The following APLP2 variants were observed in gnomAD, a reference collection of about 807,000 sequenced individuals.
APLP2 encodes amyloid beta precursor like protein 2.
A neutral mutation model predicts 89.9 loss-of-function variants in APLP2; 53 were observed. That is an observed-to-expected ratio of 0.59 (90% confidence interval 0.47 to 0.74). The LOEUF is 0.74. Ranked by LOEUF, APLP2 falls within the 30% of genes least tolerant of loss-of-function variation. APLP2 has a pLI of 0.00. For missense variants in APLP2, 973 were observed against 975.9 expected, an observed-to-expected ratio of 1.00 and a Z score of 0.04; for synonymous variants, 372 against 348.6, an observed-to-expected ratio of 1.07 and a Z score of -0.75.
intron 10 of APLP2, 51 bp downstream of exon 10, chr11:130,129,257 C>A: frequency 1.3e-6 from 2 of 1,551,126 alleles, no homozygotes; most frequent in Non-Finnish European, 8.7e-7. Flanking sequence ...ATGTAGGGGA[C>A]CAATGTATGA....
At chr11:130,118,278 C>T (rs560003453) in intron 3 of APLP2, among the ~76,000 whole-genome samples, 18 of 152,316 alleles carry the variant, frequency 1.2e-4, no homozygotes, top group African/African-American at 4.3e-4. Context: ...CTCAAGACTT[C>T]ACTAACATTA....
At chr11:130,128,967 A>G in intron 9 of APLP2, 81 bp from the exon 10 acceptor site, 2 of 1,490,870 alleles carry the variant, frequency 1.3e-6, no homozygotes, top group Non-Finnish European at 1.8e-6. Flanking sequence ...CTGACAGGAG[A>G]AGCACTGGGG....
chr11:130,091,739 C>T (rs1945281325), intron 1 of APLP2, among the ~76,000 whole-genome samples: 6 of 147,644 alleles, frequency 4.1e-5, no homozygotes, highest in African/African-American at 1.5e-4. Context: ...CCACCTCCCT[C>T]CCGGACGGCA....
In APLP2 at chr11:130,123,294, C is replaced by T. The variant is rs1950029029; in HGVS notation, c.923-318C>T. On this transcript the variant is annotated intron_variant, in intron 6 of 16. Coordinates refer to ENST00000338167, the MANE Select transcript of APLP2 (RefSeq NM_001142276.2). The surrounding 1 kb of genome is among the most constrained non-coding windows in gnomAD (Gnocchi z 4.0). The stretch of plus-strand genomic sequence containing the variant: ...AATAGACAAACTAGGCAGATACCTC[C>T]ACTGAACAGATCAGAAATGTGAGGC... Among the ~76,000 whole-genome samples, 1 of 152,214 alleles carries T rather than the reference C, an allele frequency of 6.6e-6. No individual in the cohort carries two copies. The highest frequency in any genetic ancestry group is 6.5e-5 in the Admixed American group (1 of 15,282).
chr11:130,078,062 A>G (rs778414840), intron 1 of APLP2, among the ~76,000 whole-genome samples: 10 of 152,168 alleles, frequency 6.6e-5, no homozygotes, highest in Non-Finnish European at 1.0e-4. Context: ...TTCCTTGCTC[A>G]GGAGTAACTG....
At chr11:130,113,404 G>T (rs1034786505) in intron 3 of APLP2, among the ~76,000 whole-genome samples, 2 of 152,168 alleles carry the variant, frequency 1.3e-5, no homozygotes, top group Non-Finnish European at 2.9e-5. Context: ...TTGCATTGTG[G>T]TCACTGAATA....
At chr11:130,081,823 C>T (rs7926024) in intron 1 of APLP2, among the ~76,000 whole-genome samples, 8,857 of 152,114 alleles carry the variant, frequency 0.058, 857 homozygotes, top group African/African-American at 0.2. Context: ...TCATTCTTCT[C>T]TAATGTAAAC....
chr11:130,122,236 A>G (rs1949907939), intron 5 of APLP2, 69 bp from the exon 6 acceptor site: 13 of 1,552,758 alleles, frequency 8.4e-6, no homozygotes, highest in Non-Finnish European at 1.1e-5. Context: ...CAGAATAGAG[A>G]AGGGACCCAT....
At chr11:130,112,597 T>G (rs1773170374) in intron 3 of APLP2, among the ~76,000 whole-genome samples, 1 of 152,180 alleles carries the variant, frequency 6.6e-6, no homozygotes, top group South Asian at 2.1e-4. Context: ...GAAAATGTGG[T>G]TATCGCTGGC....
intron 1 of APLP2, among the ~76,000 whole-genome samples, chr11:130,093,888 C>T (rs1945808590): frequency 6.6e-6 from 1 of 152,054 alleles, no homozygotes; most frequent in African/African-American, 2.4e-5. Context: ...GAATTACAGG[C>T]ATGTGCCACC....
intron 1 of APLP2, among the ~76,000 whole-genome samples, chr11:130,086,227 T>C (rs1370105669): frequency 6.6e-6 from 1 of 152,260 alleles, no homozygotes; most frequent in East Asian, 1.9e-4. Context: ...AAATAATAGC[T>C]ATCCTAATGG....
At position 130,122,433 on chromosome 11, in the gene APLP2, A is replaced by T. The variant is rs765667557; in HGVS notation, c.842A>T (p.Asp281Val). ...RDYYYDTFKGDDYNEENPTEP... is the reference protein window; with the variant it reads ...RDYYYDTFKGVDYNEENPTEP... ...TACTACTATGACACCTTCAAAGGAG[A>T]TGACTACAATGAGGAGAATCCTACT... The change falls in exon 6 of 17, where the codon GAT (aspartate) becomes GTT (valine). Residue 281 changes from aspartate to valine, a missense_variant. Asp to Val is a radical substitution (Grantham distance 152). Transcript: ENST00000338167. 4.3e-6 allele frequency: 7 copies of T among 1,614,070 alleles called. No homozygotes were observed. Among genetic ancestry groups the T allele is most frequent in the Non-Finnish European group, 5.9e-6 (7 of 1,180,034 alleles).
At chr11:130,127,914 G>A (rs1186079688) in intron 9 of APLP2, 74 bp downstream of exon 9, 1 of 1,327,962 alleles carries the variant, frequency 7.5e-7, no homozygotes, top group Non-Finnish European at 1.1e-6. Context: ...CATTCCCAAC[G>A]AAATTAGGAT....
chr11:130,137,304 A>G (rs201192794), intron 13 of APLP2: 3 of 1,612,828 alleles, frequency 1.9e-6, no homozygotes, highest in African/African-American at 2.7e-5. Context: ...TGGTTTGTCC[A>G]AGATGTTCCC....
intron 3 of APLP2, among the ~76,000 whole-genome samples, chr11:130,115,858 A>C (rs73041266): frequency 0.031 from 4,770 of 152,282 alleles, 94 homozygotes; most frequent in Middle Eastern, 0.082. Flanking sequence ...TTCCTCTTTC[A>C]GTCTACTTTT....
At chr11:130,091,763 G>C (rs866387863) in intron 1 of APLP2, among the ~76,000 whole-genome samples, 19 of 147,978 alleles carry the variant, frequency 1.3e-4, no homozygotes, top group African/African-American at 2.0e-4. Flanking sequence ...CTGGCCAGGC[G>C]GGGGGCTGAA....
chr11:130,106,317 ATC>A (rs1947746813), intron 1 of APLP2, among the ~76,000 whole-genome samples: 2 of 152,174 alleles, frequency 1.3e-5, no homozygotes, highest in East Asian at 1.9e-4. Flanking sequence ...GGTTTCTTGA[ATC>A]TCTCTATCCA....
intron 3 of APLP2, among the ~76,000 whole-genome samples, chr11:130,116,142 A>G (rs2135880052): frequency 6.6e-6 from 1 of 152,250 alleles, no homozygotes; most frequent in South Asian, 2.1e-4. Flanking sequence ...TTAGGGATAC[A>G]TACATCTTTG....
At chr11:130,080,043 T>G (rs1260676835) in intron 1 of APLP2, among the ~76,000 whole-genome samples, 1 of 152,204 alleles carries the variant, frequency 6.6e-6, no homozygotes, top group African/African-American at 2.4e-5. Flanking sequence ...TGAACCAAAC[T>G]TGGTTTATTT....
Sources: allele counts gnomAD v4.1 joint callset (sites outside exome capture counted in the v4.1 genomes callset), GRCh38; gene constraint gnomAD v4.1.1; non-coding constraint Gnocchi (gnomAD v3.1); transcripts MANE v1.5; gene names NCBI Gene and HGNC (gene_info 2026-07-23, HGNC 2026-07-21).